Variants in RBFOX1 observed in about 807,000 individuals in gnomAD.
RBFOX1 encodes RNA binding protein fox-1 homolog 1.
In RBFOX1, 8 loss-of-function variants were observed where a neutral mutation model predicts 57.7. The observed-to-expected ratio is 0.14, with a 90% CI of 0.08 to 0.25. The LOEUF (loss-of-function observed/expected upper bound fraction) is 0.25. Ranked by LOEUF, RBFOX1 falls within the 10% of genes least tolerant of loss-of-function variation. The pLI, the probability that RBFOX1 is intolerant of heterozygous loss-of-function variation, is 1.00. For missense variants in RBFOX1, 611 were observed against 548.5 expected (o/e 1.11, Z -1.14); for synonymous variants, 326 against 222.4 (o/e 1.47, Z -4.15).
intron 4 of RBFOX1, among the ~76,000 whole-genome samples, chr16:7,310,606 C>T (rs1032265353): frequency 6.6e-6 from 1 of 152,218 alleles, no homozygotes; most frequent in Non-Finnish European, 1.5e-5. Flanking sequence ...GGCACCACTT[C>T]CTAAGTCCTG....
At chr16:7,463,124 C>G (rs745369488) in intron 4 of RBFOX1, among the ~76,000 whole-genome samples, 1 of 152,166 alleles carries the variant, frequency 6.6e-6, no homozygotes. Context: ...GGTAAGGGCC[C>G]ACTTTTTGGC....
intron 4 of RBFOX1, among the ~76,000 whole-genome samples, chr16:7,408,992 G>A (rs946758346): frequency 6.6e-6 from 1 of 152,098 alleles, no homozygotes; most frequent in Non-Finnish European, 1.5e-5. Flanking sequence ...ATCCCCGCCC[G>A]TCAATTCTTC....
chr16:5,371,041 G>A (rs1182996015), intron 1 of RBFOX1, among the ~76,000 whole-genome samples: 3 of 152,158 alleles, frequency 2.0e-5, no homozygotes, highest in Admixed American at 6.5e-5. Context: ...TCTGCCTCCC[G>A]GGTTCAGGCG....
intron 1 of RBFOX1, among the ~76,000 whole-genome samples, chr16:6,232,846 G>A (rs563297349): frequency 6.6e-6 from 1 of 152,236 alleles, no homozygotes; most frequent in Non-Finnish European, 1.5e-5. Flanking sequence ...GTGTTTGCAG[G>A]TCTGTTTAGT....
intron 3 of RBFOX1, among the ~76,000 whole-genome samples, chr16:5,720,238 G>T (rs924127736): frequency 6.6e-6 from 1 of 152,162 alleles, no homozygotes; most frequent in African/African-American, 2.4e-5. Flanking sequence ...AGACATGCCT[G>T]TTCAGATTCT....
chr16:6,206,794 A>G (rs1381827945), intron 1 of RBFOX1, among the ~76,000 whole-genome samples: 1 of 152,144 alleles, frequency 6.6e-6, no homozygotes, highest in African/African-American at 2.4e-5. Context: ...TTTTACTTTA[A>G]TGGTGGGTGA....
chr16:7,282,567 T>A (rs1385865829), intron 4 of RBFOX1, among the ~76,000 whole-genome samples: 1 of 152,072 alleles, frequency 6.6e-6, no homozygotes, highest in Non-Finnish European at 1.5e-5. Flanking sequence ...AGCTTTTTTT[T>A]TTCCTGTTAT....
chr16:7,140,159 T>TCTCTCTCTCC (rs2073316171), intron 4 of RBFOX1, among the ~76,000 whole-genome samples: 1 of 85,912 alleles, frequency 1.2e-5, no homozygotes, highest in Non-Finnish European at 2.3e-5. Flanking sequence ...CTTCTCTCCC[T>TCTCTCTCTCC]CTCTCTCTCT....
chr16:6,770,641 G>A (rs890223837), intron 3 of RBFOX1, among the ~76,000 whole-genome samples: 1 of 152,000 alleles, frequency 6.6e-6, no homozygotes, highest in African/African-American at 2.4e-5. Flanking sequence ...CTACTCAGAG[G>A]CTGCAGAGCC....
chr16:5,943,472 C>T (rs991907710), intron 4 of RBFOX1, among the ~76,000 whole-genome samples: 18 of 152,172 alleles, frequency 1.2e-4, no homozygotes, highest in African/African-American at 4.3e-4. Flanking sequence ...ATGAGGAATT[C>T]TCATTTAGAC....
At chr16:5,762,239 A>T (rs1246406723) in intron 3 of RBFOX1, among the ~76,000 whole-genome samples, 2 of 152,164 alleles carry the variant, frequency 1.3e-5, no homozygotes, top group East Asian at 3.9e-4. Context: ...CAAAAAGAGA[A>T]ATCTAAATGG....
chr16:7,499,656 G>A (rs535505517), intron 4 of RBFOX1, among the ~76,000 whole-genome samples: 1 of 152,258 alleles, frequency 6.6e-6, no homozygotes, highest in South Asian at 2.1e-4. Context: ...TAAGTGAAGA[G>A]GATGAATGCA....
intron 2 of RBFOX1, among the ~76,000 whole-genome samples, chr16:6,396,342 A>G (rs1050195032): frequency 6.6e-6 from 1 of 152,186 alleles, no homozygotes; most frequent in African/African-American, 2.4e-5. Flanking sequence ...GGTGCAAGGA[A>G]GACGAGACTC....
At chr16:6,553,833 C>T (rs1005836615) in intron 2 of RBFOX1, among the ~76,000 whole-genome samples, 1 of 152,130 alleles carries the variant, frequency 6.6e-6, no homozygotes, top group African/African-American at 2.4e-5. Context: ...GTGGATGGTG[C>T]CAAATCTCAT....
chr16:6,255,031 C>T (rs964798085), intron 1 of RBFOX1, among the ~76,000 whole-genome samples: 3 of 152,096 alleles, frequency 2.0e-5, no homozygotes, highest in Admixed American at 1.3e-4. Flanking sequence ...CCATCTCTCC[C>T]ACCCCTTCCT....
intron 2 of RBFOX1, among the ~76,000 whole-genome samples, chr16:6,442,259 T>C (rs568365872): frequency 6.6e-6 from 1 of 152,254 alleles, no homozygotes; most frequent in South Asian, 2.1e-4. Context: ...TCTTTCTGGT[T>C]AGAAATAAAC....
At chr16:7,502,968 A>T (rs1331139294) in intron 4 of RBFOX1, among the ~76,000 whole-genome samples, 5 of 152,156 alleles carry the variant, frequency 3.3e-5, no homozygotes, top group African/African-American at 1.2e-4. Flanking sequence ...GGTTGCAGTG[A>T]GCTGAGGTCA....
At chr16:6,268,760 A>G (rs1811292448) in intron 1 of RBFOX1, among the ~76,000 whole-genome samples, 1 of 152,206 alleles carries the variant, frequency 6.6e-6, no homozygotes, top group Non-Finnish European at 1.5e-5. Context: ...ATGCAAGTAA[A>G]TAATTAAAAA....
chr16:5,643,589 C>T lies in RBFOX1; in HGVS notation c.318+44628C>T, dbSNP rs1277431342. Among the ~76,000 whole-genome samples, 3 of 152,180 alleles carry T rather than the reference C, an allele frequency of 2.0e-5. No individual in the cohort carries two copies. The East Asian group carries it at 5.8e-4, about 29-fold the overall frequency. On this transcript the variant is annotated intron_variant, in intron 3 of 19. Coordinates refer to the RBFOX1 transcript ENST00000641259. ...TCATGATTTTTTATTGTCAGAACCGCAGAGTCATAGCAAGGTATTTTTAGG... is the reference window on the plus strand; with the variant it reads ...TCATGATTTTTTATTGTCAGAACCGTAGAGTCATAGCAAGGTATTTTTAGG...
Sources: allele counts gnomAD v4.1 joint callset (sites outside exome capture counted in the v4.1 genomes callset), GRCh38; gene constraint gnomAD v4.1.1; transcripts MANE v1.5; gene names NCBI Gene and HGNC (gene_info 2026-07-23, HGNC 2026-07-21).